LAMB1: variants seen among roughly 807,000 people sequenced by gnomAD.
LAMB1 encodes laminin subunit beta 1.
A neutral mutation model predicts 222.3 loss-of-function variants in LAMB1; 121 were observed. That is an observed-to-expected ratio of 0.54 (90% CI 0.47 to 0.63). The LOEUF (loss-of-function observed/expected upper bound fraction) is 0.63, where lower values mean the gene tolerates loss of function less well. Among genes scored for constraint, LAMB1 ranks in the 30% least tolerant of loss-of-function variants. The pLI is 0.00. For synonymous variants in LAMB1, 794 were observed against 807.2 expected (o/e 0.98, Z 0.28); for missense variants, 2,172 against 2,240.8 (o/e 0.97, Z 0.62).
intron 24 of LAMB1, among the ~76,000 whole-genome samples, chr7:107,945,786 C>CTA (rs1456817999): frequency 6.6e-6 from 1 of 152,184 alleles, no homozygotes; most frequent in Non-Finnish European, 1.5e-5. Flanking sequence ...TATAATATGC[C>CTA]TAAAAGTGCT....
chr7:107,937,819 CCTT>C (rs1237840405), intron 25 of LAMB1, among the ~76,000 whole-genome samples: 3 of 152,184 alleles, frequency 2.0e-5, no homozygotes, highest in Non-Finnish European at 4.4e-5. Flanking sequence ...AGAGGGGCCT[CCTT>C]CTACCAACAG....
chr7:107,967,015 C>T (rs1584514795), intron 13 of LAMB1, among the ~76,000 whole-genome samples: 1 of 152,222 alleles, frequency 6.6e-6, no homozygotes, highest in Non-Finnish European at 1.5e-5. Context: ...CCTCACCCTA[C>T]AGCTCTCAGC....
In LAMB1 at chr7:107,967,761, G is replaced by GA. The variant is rs111524091; in HGVS notation, c.1563-3075dup. On this transcript the variant is annotated intron_variant, in intron 13 of 33. Coordinates refer to ENST00000222399, the MANE Select transcript of LAMB1 (RefSeq NM_002291.3). ...TAAATGATATACAGAAAGAGAAATA[G>GA]AAAAAAAAATAGTCCCTGTCTTCAA... is the stretch of plus-strand genomic sequence containing the variant. Among the ~76,000 whole-genome samples the GA allele has an allele frequency of 2.1e-4, 32 of 149,956 alleles. 1 individual carries two copies. Among genetic ancestry groups the GA allele is most frequent in the South Asian group, 1.1e-3 (5 of 4,760 alleles).
intron 14 of LAMB1, among the ~76,000 whole-genome samples, chr7:107,963,901 C>T (rs1350200783): frequency 6.6e-6 from 1 of 152,166 alleles, no homozygotes; most frequent in Non-Finnish European, 1.5e-5. Context: ...GAGTTCGAGA[C>T]CAGCCTGACC....
intron 30 of LAMB1, 41 bp from the exon 31 acceptor site, chr7:107,929,246 T>A: frequency 6.2e-7 from 1 of 1,607,040 alleles, no homozygotes. Context: ...TTGCTGAACA[T>A]GAAAAAAGTA....
chr7:107,946,026 T>C (rs73412519), intron 24 of LAMB1, among the ~76,000 whole-genome samples: 10,520 of 152,224 alleles, frequency 0.069, 1,204 homozygotes, highest in African/African-American at 0.24. Context: ...CCCCACTCTA[T>C]ACCATTGGTC....
chr7:107,927,477 TC>T (rs2032592623), intron 31 of LAMB1, among the ~76,000 whole-genome samples: 1 of 152,130 alleles, frequency 6.6e-6, no homozygotes, highest in East Asian at 1.9e-4. Flanking sequence ...TTGCTATATT[TC>T]CCAGGCTGGA....
At chr7:107,979,547 A>G (rs111260842) in intron 8 of LAMB1, among the ~76,000 whole-genome samples, 10 of 152,206 alleles carry the variant, frequency 6.6e-5, no homozygotes, top group Non-Finnish European at 1.3e-4. Context: ...AGGTGATCTC[A>G]TAAGTCCTAT....
At chr7:107,982,156 A>T (rs541279146) in intron 7 of LAMB1, among the ~76,000 whole-genome samples, 1 of 152,188 alleles carries the variant, frequency 6.6e-6, no homozygotes, top group Non-Finnish European at 1.5e-5. Flanking sequence ...TTCTATAGTA[A>T]CTAGACAAAC....
At chr7:107,952,456 C>G (rs1036393862) in intron 22 of LAMB1, among the ~76,000 whole-genome samples, 5 of 152,192 alleles carry the variant, frequency 3.3e-5, no homozygotes, top group African/African-American at 1.2e-4. Context: ...CACATTTCAC[C>G]TAAAAGTATG....
chr7:107,986,288 C>G lies in LAMB1; in HGVS notation c.499G>C (p.Ala167Pro). Reference protein sequence around the residue: ...GKTWGVYRYFAYDCEASFPGI... With the variant: ...GKTWGVYRYFPYDCEASFPGI... ...GGAAACGAGGCCTCACAGTCATAGG[C>G]GAAGTATCTATACACACCCCAGGTT... Residue 167 changes from alanine to proline, a missense_variant, in exon 6 of 34, where the codon GCC becomes CCC. Physicochemically the swap from Ala to Pro is conservative, Grantham distance 27 (BLOSUM62 -1). Coordinates refer to ENST00000222399, the MANE Select transcript of LAMB1 (RefSeq NM_002291.3). 6.2e-7 allele frequency: 1 copy of G among 1,614,076 alleles called. No homozygotes were observed. The highest frequency in any genetic ancestry group is 8.5e-7 in the Non-Finnish European group (1 of 1,179,978).
rs762078291 is a variant in LAMB1, at chr7:107,964,623, C to T, written c.1627G>A (p.Val543Met). Residue 543 changes from valine to methionine, a missense_variant, in exon 14 of 34, where the codon GTG becomes ATG. By Grantham distance (21) the Val-to-Met change is conservative. Transcript: ENST00000222399. ...GTGGCAAAGTAGTAACCAGGTTCCA[C>T]TTCGTTGCACTGACGTCCAATCATG... Reference protein sequence around the residue: ...PHMIGRQCNEVEPGYYFATLD... With the variant: ...PHMIGRQCNEMEPGYYFATLD... The T allele has an allele frequency of 1.9e-6, 3 of 1,614,176 alleles. No homozygotes were observed. The highest frequency in any genetic ancestry group is 1.6e-4 in the Middle Eastern group (1 of 6,062).
chr7:107,996,793 T>C (rs1487965893), intron 4 of LAMB1, among the ~76,000 whole-genome samples: 1 of 152,248 alleles, frequency 6.6e-6, no homozygotes, highest in African/African-American at 2.4e-5. Context: ...CACTGTCTGC[T>C]GACTAAAATG....
intron 24 of LAMB1, among the ~76,000 whole-genome samples, chr7:107,946,239 G>T (rs1003557042): frequency 6.6e-6 from 1 of 152,184 alleles, no homozygotes. Flanking sequence ...TTTACTAAAA[G>T]CAAGGGCAAT....
At position 107,953,590 on chromosome 7, in the gene LAMB1, C is replaced by T. The variant is rs777303196; in HGVS notation, c.3019G>A (p.Glu1007Lys). Residue 1007 changes from glutamate (E) to lysine (K), a missense_variant, in exon 22 of 34, where the codon GAA becomes AAA. By Grantham distance (56) the Glu-to-Lys change is moderately conservative. Coordinates refer to ENST00000222399, the MANE Select transcript of LAMB1 (RefSeq NM_002291.3). ...CLKCLYHTEG[E>K]HCQFCRFGYY... is the part of the protein sequence containing the mutation. ...CCAAACCGGCAGAACTGACAGTGTT[C>T]CCCTTCCGTGTGGTACAGGCACTTG... 8 of 1,614,098 alleles carry T rather than the reference C, an allele frequency of 5.0e-6. No individual in the cohort carries two copies. The highest frequency in any genetic ancestry group is 6.8e-6 in the Non-Finnish European group (8 of 1,180,060).
chr7:107,941,613 A>G (rs559409903), intron 24 of LAMB1, among the ~76,000 whole-genome samples: 1 of 151,920 alleles, frequency 6.6e-6, no homozygotes, highest in Admixed American at 6.6e-5. Flanking sequence ...CTGAAGTGCA[A>G]TGTCAACTGT....
chr7:108,001,943 C>T (rs1294149388), intron 2 of LAMB1: 15 of 1,454,790 alleles, frequency 1.0e-5, no homozygotes, highest in African/African-American at 1.4e-5. Context: ...GGAAAGAAAC[C>T]CACACACGTC....
At chr7:107,996,409 C>T (rs1298061456) in intron 4 of LAMB1, among the ~76,000 whole-genome samples, 3 of 152,162 alleles carry the variant, frequency 2.0e-5, no homozygotes, top group African/African-American at 7.2e-5. Context: ...TAAAAATAGT[C>T]GTACATTCCA....
At chr7:107,944,109 T>C (rs1406613925) in intron 24 of LAMB1, among the ~76,000 whole-genome samples, 1 of 152,238 alleles carries the variant, frequency 6.6e-6, no homozygotes, top group East Asian at 1.9e-4. Flanking sequence ...CAATTATTTC[T>C]TTCCCATAGA....
Sources: allele counts gnomAD v4.1 joint callset (sites outside exome capture counted in the v4.1 genomes callset), GRCh38; gene constraint gnomAD v4.1.1; transcripts MANE v1.5; gene names NCBI Gene and HGNC (gene_info 2026-07-23, HGNC 2026-07-21).